The following ZNF155 variants were observed in gnomAD, a reference collection of about 807,000 sequenced individuals.
The protein encoded by ZNF155 is KRAB A domain.
Under a neutral mutation model 11.9 loss-of-function variants are expected in ZNF155, and 15 were observed. The ratio of observed to expected loss-of-function variants is 1.26; its 90% CI spans 0.84 to 1.94. The LOEUF is 1.94. ZNF155 is among the 30% of genes most tolerant of loss of function. The pLI, the probability that ZNF155 is intolerant of heterozygous loss-of-function variation, is 0.00. For synonymous variants in ZNF155, 212 were observed against 219.9 expected (o/e 0.96, Z 0.32); for missense variants, 602 against 639.1 (o/e 0.94, Z 0.63).
chr19:43,991,746 T>C (rs1975673505), intron 3 of ZNF155, 72 bp downstream of exon 3: 1 of 1,607,766 alleles, frequency 6.2e-7, no homozygotes, highest in Admixed American at 1.7e-5. Context: ...GTGTTCAAGT[T>C]TGAGTGTGCA....
Position 43,997,717 on chromosome 19 carries a change from A to C in ZNF155, c.*243A>C. 1 of 434,096 alleles carries C rather than the reference A, an allele frequency of 2.3e-6. No individual in the cohort carries two copies. Among genetic ancestry groups the C allele is most frequent in the East Asian group, 4.3e-5 (1 of 23,420 alleles). 26.9% of individuals were successfully genotyped at this position (434,096 alleles called of 1,614,324 possible). A position where few individuals can be genotyped will look rare whatever the true frequency, so the allele number is the denominator to read the frequency against. On this transcript the variant is annotated 3_prime_UTR_variant, in exon 5 of 5. Coordinates refer to ENST00000270014, the MANE Select transcript of ZNF155 (RefSeq NM_198089.3). ...AAAAAGCAGCCTGGGGAAGACAATC[A>C]AGCTACAGGCACTGATAAGGGAACT...
chr19:43,995,010 C>G (rs1975784893), intron 4 of ZNF155, among the ~76,000 whole-genome samples: 1 of 152,112 alleles, frequency 6.6e-6, no homozygotes, highest in Non-Finnish European at 1.5e-5. Flanking sequence ...GCCTTCAAGC[C>G]AACCAAGACA....
rs764196888 is a variant in ZNF155 at position 43,997,460 on chromosome 19, C to T, written c.1603C>T (p.Leu535=). 3.3e-5 allele frequency: 53 copies of T among 1,597,216 alleles called. No homozygotes were observed. In the African/African-American group the frequency reaches 7.2e-4, roughly 22 times the overall value. The change falls in exon 5 of 5, where the codon CTA becomes TTA. Residue 535 remains leucine, a synonymous_variant. Transcript: ENST00000270014. The part of the protein sequence containing the change: ...LNLDILLSLF[L]NDT ...TCTGGATATACTTTTATCATTATTT[C>T]TAAATGACACATAATTGTTCATATT... is the stretch of plus-strand genomic sequence containing the variant.
intron 4 of ZNF155, among the ~76,000 whole-genome samples, chr19:43,995,025 C>T (rs1013563731): frequency 2.0e-5 from 3 of 152,138 alleles, no homozygotes; most frequent in Non-Finnish European, 4.4e-5. Flanking sequence ...AAGACACTCT[C>T]CTGAGGTATG....
intron 2 of ZNF155, 135 bp downstream of exon 2, chr19:43,988,693 A>G: frequency 1.1e-6 from 1 of 914,368 alleles, no homozygotes; most frequent in African/African-American, 1.7e-5. Context: ...TGCTTCCTTT[A>G]TCTCTTTTGT....
intron 4 of ZNF155, among the ~76,000 whole-genome samples, chr19:43,994,423 A>G (rs1403245015): frequency 6.6e-6 from 1 of 152,256 alleles, no homozygotes; most frequent in Non-Finnish European, 1.5e-5. Context: ...AATGTTGTGC[A>G]GAGTTCAACC....
chr19:43,995,971 G>T, intron 4 of ZNF155, 122 bp from the exon 5 acceptor site: 1 of 1,315,070 alleles, frequency 7.6e-7, no homozygotes, highest in Non-Finnish European at 1.0e-6. Flanking sequence ...GGTGTACTTG[G>T]AAAACAAACT....
intron 2 of ZNF155, chr19:43,988,848 C>G (rs1368282080): frequency 3.2e-6 from 1 of 314,858 alleles, no homozygotes; most frequent in African/African-American, 2.2e-5. Context: ...ATCTTCTCTG[C>G]TGTTCGTCAT....
chr19:43,992,051 C>A, intron 4 of ZNF155, 117 bp downstream of exon 4: 1 of 945,180 alleles, frequency 1.1e-6, no homozygotes, highest in Non-Finnish European at 1.6e-6. Context: ...TGGATTATTA[C>A]AACTGCCTTC....
rs771712195 is a variant in ZNF155 at position 43,996,630 on chromosome 19, A to G, written c.773A>G (p.Lys258Arg). Residue 258 changes from lysine (K) to arginine (R), a missense_variant, in exon 5 of 5, where the codon AAA becomes AGA. By Grantham distance (26) the Lys-to-Arg change is conservative (BLOSUM62 2). Transcript: ENST00000270014. ...CATCGTAAATTACACACAGGAGAGA[A>G]ACCTTACATTTGTGAGGCATGTGGG... is the stretch of plus-strand genomic sequence containing the variant. ...NVHRKLHTGE[K>R]PYICEACGKA... is the part of the protein sequence containing the mutation. 32 of 1,613,630 alleles carry G rather than the reference A, an allele frequency of 2.0e-5. No individual in the cohort carries two copies. The highest frequency in any genetic ancestry group is 2.6e-5 in the Non-Finnish European group (31 of 1,179,754).
At chr19:43,984,654 T>G (rs1975370448) in intron 1 of ZNF155, among the ~76,000 whole-genome samples, 1 of 152,180 alleles carries the variant, frequency 6.6e-6, no homozygotes, top group African/African-American at 2.4e-5. Flanking sequence ...CTGATAGAAT[T>G]GTTTTAGGAG....
At chr19:43,990,160 C>A in intron 2 of ZNF155, 2 of 1,114,060 alleles carry the variant, frequency 1.8e-6, no homozygotes, top group African/African-American at 1.6e-5. Context: ...GATCACAGTT[C>A]TAAATGTGCT....
At chr19:43,991,464 T>A in intron 2 of ZNF155, 84 bp from the exon 3 acceptor site, 1 of 1,600,694 alleles carries the variant, frequency 6.2e-7, no homozygotes, top group Admixed American at 1.7e-5. Flanking sequence ...AACTTTCCAC[T>A]CATCCCCTTC....
At chr19:43,984,314 A>C (rs573845895) in intron 1 of ZNF155, 69 bp downstream of exon 1, 1 of 152,348 alleles carries the variant, frequency 6.6e-6, no homozygotes, top group South Asian at 2.1e-4. Flanking sequence ...TGGGGGGTCA[A>C]CTAAGGGGGT....
At chr19:43,995,255 G>A (rs551626948) in intron 4 of ZNF155, among the ~76,000 whole-genome samples, 1 of 152,014 alleles carries the variant, frequency 6.6e-6, no homozygotes, top group South Asian at 2.1e-4. Context: ...GGGACTACAG[G>A]CATGTGCCAC....
intron 2 of ZNF155, among the ~76,000 whole-genome samples, chr19:43,989,358 A>G (rs1392227315): frequency 6.6e-6 from 1 of 152,234 alleles, no homozygotes; most frequent in Admixed American, 6.5e-5. Flanking sequence ...TAAAATGTCC[A>G]GTGATACTAA....
intron 1 of ZNF155, among the ~76,000 whole-genome samples, chr19:43,987,440 A>G (rs1399651140): frequency 6.6e-6 from 1 of 152,174 alleles, no homozygotes; most frequent in African/African-American, 2.4e-5. Context: ...GATTTATCTG[A>G]TATATCTCAT....
chr19:43,990,069 T>C, intron 2 of ZNF155: 3 of 1,520,524 alleles, frequency 2.0e-6, no homozygotes, highest in Non-Finnish European at 2.6e-6. Context: ...TTGGTCATGA[T>C]AAAGAGAAGC....
In ZNF155 at chr19:43,996,785, C is replaced by T. The variant is rs1425549259; in HGVS notation, c.928C>T (p.His310Tyr). ...AAGACTTAAGAGCCATTCCATGGTT[C>T]ACACAGGAGAAAAACCATTTAGGTG... ...RSRLKSHSMV[H>Y]TGEKPFRCDT... Residue 310 changes from histidine (H) to tyrosine (Y), a missense_variant, in exon 5 of 5, where the codon CAC (histidine) becomes TAC (tyrosine). Physicochemically the swap from His to Tyr is moderately conservative, Grantham distance 83 (BLOSUM62 2). Coordinates refer to ENST00000270014, the MANE Select transcript of ZNF155 (RefSeq NM_198089.3). 1 of 1,614,068 alleles carries T rather than the reference C, an allele frequency of 6.2e-7. No homozygotes were observed. Among genetic ancestry groups the T allele is most frequent in the Admixed American group, 1.7e-5 (1 of 60,010 alleles).
Sources: allele counts gnomAD v4.1 joint callset (sites outside exome capture counted in the v4.1 genomes callset), GRCh38; gene constraint gnomAD v4.1.1; transcripts MANE v1.5; gene names NCBI Gene and HGNC (gene_info 2026-07-23, HGNC 2026-07-21).